The following PTPRF variants were observed in gnomAD, a reference collection of about 807,000 sequenced individuals.
PTPRF encodes protein tyrosine phosphatase receptor type F, also known as receptor-type tyrosine-protein phosphatase F.
Under a neutral mutation model 201.8 loss-of-function variants are expected in PTPRF, and 59 were observed. The ratio of observed to expected loss-of-function variants is 0.29; its 90% CI spans 0.24 to 0.36. PTPRF has a LOEUF of 0.36. Ranked by LOEUF, PTPRF falls within the 10% of genes least tolerant of loss-of-function variation. PTPRF has a pLI of 1.00. For missense variants in PTPRF, 2,132 were observed against 2,690.5 expected (o/e 0.79, Z 4.59); for synonymous variants, 1,088 against 1,089.7 (o/e 1.00, Z 0.03).
intron 7 of PTPRF, among the ~76,000 whole-genome samples, chr1:43,584,281 C>T (rs1287454181): frequency 6.6e-6 from 1 of 152,188 alleles, no homozygotes; most frequent in Non-Finnish European, 1.5e-5. Flanking sequence ...ATCCTCGTTC[C>T]CTCTGCCACA....
At chr1:43,583,825 C>G (rs1176887299) in intron 7 of PTPRF, among the ~76,000 whole-genome samples, 3 of 152,194 alleles carry the variant, frequency 2.0e-5, no homozygotes, top group Admixed American at 2.0e-4. Flanking sequence ...TGCCCCAGGC[C>G]CCTCTGCCCA....
At chr1:43,597,634 C>T (rs1036205149) in intron 11 of PTPRF, 114 bp from the exon 12 acceptor site, 2 of 800,488 alleles carry the variant, frequency 2.5e-6, no homozygotes, top group Non-Finnish European at 4.0e-6. Flanking sequence ...ATGGCCATTT[C>T]AGCACCTAAG....
At chr1:43,557,671 C>T (rs932845427) in intron 5 of PTPRF, among the ~76,000 whole-genome samples, 4 of 150,398 alleles carry the variant, frequency 2.7e-5, no homozygotes, top group African/African-American at 7.3e-5. Context: ...GAGGTGCCTC[C>T]GTTTGGTTTC....
upstream of PTPRF, among the ~76,000 whole-genome samples, chr1:43,527,459 A>C (rs1249702938): frequency 6.6e-6 from 1 of 152,214 alleles, no homozygotes; most frequent in East Asian, 1.9e-4. Context: ...GTTTGTATCT[A>C]GTTCCAGATG....
rs771936458 is a variant in PTPRF at position 43,621,158 on chromosome 1, T to G, written c.5581T>G (p.Tyr1861Asp). Reference sequence around the variant, plus strand: ...GAGCATCGTCCTGGAGCGCATGCGCTACGAGGGCGTGGTCGACATGTTTCA... The same window carrying G: ...GAGCATCGTCCTGGAGCGCATGCGCGACGAGGGCGTGGTCGACATGTTTCA... ...TLSIVLERMR[Y>D]EGVVDMFQTV... is the part of the protein sequence containing the mutation. Residue 1861 changes from tyrosine (Y) to aspartate (D), a missense_variant, in exon 33 of 34, where the codon TAC becomes GAC. By Grantham distance (160) the Tyr-to-Asp change is radical (BLOSUM62 -3). Around this residue, in one of 6 missense-constraint regions of PTPRF, gnomAD observed 519 missense variants for 659.5 expected, o/e 0.79. Transcript: ENST00000359947. 6 of 1,613,994 alleles carry G rather than the reference T, an allele frequency of 3.7e-6. No homozygotes were observed. Among genetic ancestry groups the G allele is most frequent in the Non-Finnish European group, 5.1e-6 (6 of 1,179,946 alleles).
chr1:43,547,803 A>G (rs115375519), intron 3 of PTPRF, among the ~76,000 whole-genome samples: 1,922 of 152,266 alleles, frequency 0.013, 22 homozygotes, highest in Non-Finnish European at 0.02. Flanking sequence ...GCTCCAGTGG[A>G]GATTTGGGCA....
rs1202973263 is a variant in PTPRF, at chr1:43,605,510, T to G, written c.3390-19T>G. On this transcript the variant is annotated intron_variant, in intron 18 of 33. Coordinates refer to ENST00000359947, the MANE Select transcript of PTPRF (RefSeq NM_002840.5). ...GGTAACCAGCAGTGACAGTCCTGAT[T>G]CCTGCCCTGCCCACCCAGGTGGTTC... 2 of 1,613,922 alleles carry G rather than the reference T, an allele frequency of 1.2e-6. No individual in the cohort carries two copies. The highest frequency in any genetic ancestry group is 2.7e-5 in the African/African-American group (2 of 74,960).
chr1:43,532,638 T>A (rs74071939), intron 1 of PTPRF: 2,999 of 166,384 alleles, frequency 0.018, 100 homozygotes, highest in African/African-American at 0.067. Context: ...ATCTGAGGGA[T>A]CCAGAAGAGA....
chr1:43,544,673 G>A (rs942514897), intron 2 of PTPRF, among the ~76,000 whole-genome samples: 1 of 152,186 alleles, frequency 6.6e-6, no homozygotes, highest in Admixed American at 6.5e-5. Flanking sequence ...GTCCTCTTAT[G>A]GGGGTGAGTT....
chr1:43,573,800 G>C (rs1357499952), intron 6 of PTPRF, among the ~76,000 whole-genome samples: 2 of 152,030 alleles, frequency 1.3e-5, no homozygotes, highest in African/African-American at 4.8e-5. Context: ...AATAGGTTAG[G>C]TTCTGGAAGA....
At chr1:43,607,954 G>A (rs1655539894) in intron 21 of PTPRF, among the ~76,000 whole-genome samples, 1 of 152,256 alleles carries the variant, frequency 6.6e-6, no homozygotes, top group Non-Finnish European at 1.5e-5. Flanking sequence ...CCACAGGCAT[G>A]TCAGTGAGCA....
rs1654164600 is a variant in PTPRF, at chr1:43,603,067, C to CG, written c.2341-348dup. 6.6e-6 allele frequency among the ~76,000 whole-genome samples: 1 copy of CG among 152,154 alleles called. No homozygotes were observed. Among genetic ancestry groups the CG allele is most frequent in the Non-Finnish European group, 1.5e-5 (1 of 68,012 alleles). ...GTGTGCGTGTGGCTGCCAAGAGCCA[C>CG]GCAAGGTGCTGGGTGCGTGCGAGGC... is the stretch of plus-strand genomic sequence containing the variant. On this transcript the variant is annotated intron_variant, in intron 14 of 33. Transcript: ENST00000359947. The surrounding 1 kb of genome is among the most constrained non-coding windows in gnomAD (Gnocchi z 5.8).
rs1479176471 is a variant in PTPRF, at chr1:43,604,920, C to G, written c.3055C>G (p.Arg1019Gly). 9.3e-6 allele frequency: 15 copies of G among 1,613,932 alleles called. No individual in the cohort carries two copies. The highest frequency in any genetic ancestry group is 1.3e-5 in the Non-Finnish European group (15 of 1,180,036). The change falls in exon 17 of 34, where the codon CGG becomes GGG. Residue 1019 changes from arginine (R) to glycine (G), a missense_variant. Physicochemically the swap from Arg to Gly is moderately radical, Grantham distance 125 (BLOSUM62 -2). Around this residue, in one of 6 missense-constraint regions of PTPRF, gnomAD observed 818 missense variants for 915.3 expected, o/e 0.89. Transcript: ENST00000359947. ...PVEQVFAKNF[R>G]VAAAMKTSVL... ...CTTTGCAGTGTTTGCCAAGAACTTCCGGGTGGCGGCTGCAATGAAGACGTC... is the reference window on the plus strand; with the variant it reads ...CTTTGCAGTGTTTGCCAAGAACTTCGGGGTGGCGGCTGCAATGAAGACGTC...
At position 43,621,210 on chromosome 1, in the gene PTPRF, G is replaced by C; in HGVS notation, c.5633G>C (p.Arg1878Pro). ...ACCGTGAAGACCCTGCGTACACAGC[G>C]TCCTGCCATGGTGCAGACAGAGGTA... is the stretch of plus-strand genomic sequence containing the variant. ...FQTVKTLRTQRPAMVQTEDQY... is the reference protein window; with the variant it reads ...FQTVKTLRTQPPAMVQTEDQY... Residue 1878 changes from arginine (R) to proline (P), a missense_variant, in exon 33 of 34, where the codon CGT (arginine) becomes CCT (proline). Physicochemically the swap from Arg to Pro is moderately radical, Grantham distance 103. This residue lies in a region of PTPRF where 519 missense variants were observed against 659.5 expected (regional missense o/e 0.79). Coordinates refer to ENST00000359947, the MANE Select transcript of PTPRF (RefSeq NM_002840.5). The C allele has an allele frequency of 6.2e-7, 1 of 1,614,134 alleles. No homozygotes were observed. Among genetic ancestry groups the C allele is most frequent in the Non-Finnish European group, 8.5e-7 (1 of 1,179,986 alleles).
Position 43,591,388 on chromosome 1 carries a change from C to T in PTPRF, c.1366C>T (p.Arg456Cys), listed in dbSNP as rs1557790674. Reference sequence around the variant, plus strand: ...CCGCGTCTACTATACTCCGGACTCCCGCCGCCCCCCGAACGCCTGGCACAA... The same window carrying T: ...CCGCGTCTACTATACTCCGGACTCCTGCCGCCCCCCGAACGCCTGGCACAA... ...GYRVYYTPDS[R>C]RPPNAWHKHN... Residue 456 changes from arginine (R) to cysteine (C), a missense_variant, in exon 9 of 34, where the codon CGC (arginine) becomes TGC (cysteine). By Grantham distance (180) the Arg-to-Cys change is radical. Transcript: ENST00000359947. 7.7e-6 allele frequency: 12 copies of T among 1,560,194 alleles called. No homozygotes were observed. The highest frequency in any genetic ancestry group is 1.4e-5 in the African/African-American group (1 of 73,574).
rs957721683 is a variant in PTPRF, at chr1:43,554,819, G to A, written c.379+878G>A. On this transcript the variant is annotated intron_variant, in intron 5 of 33. Coordinates refer to ENST00000359947, the MANE Select transcript of PTPRF (RefSeq NM_002840.5). This position sits in a 1 kb window ranked among gnomAD's most constrained non-coding sequence, Gnocchi z 4.1. ...GTTTATGTTTTCAAAATATAGCATCGATTGTTGCTTGCTTTTTTTTCTTTT... is the reference window on the plus strand; with the variant it reads ...GTTTATGTTTTCAAAATATAGCATCAATTGTTGCTTGCTTTTTTTTCTTTT... Among the ~76,000 whole-genome samples, 3 of 151,806 alleles carry A rather than the reference G, an allele frequency of 2.0e-5. No individual in the cohort carries two copies. Among genetic ancestry groups the A allele is most frequent in the South Asian group, 4.2e-4 (2 of 4,788 alleles).
chr1:43,569,308 C>T (rs981230818), intron 5 of PTPRF, among the ~76,000 whole-genome samples: 2 of 151,140 alleles, frequency 1.3e-5, no homozygotes, highest in East Asian at 3.9e-4. Context: ...TTCTCAGGGC[C>T]TGGAGAGATA....
upstream of PTPRF, among the ~76,000 whole-genome samples, chr1:43,524,457 C>T (rs1311812281): frequency 1.3e-5 from 2 of 151,960 alleles, no homozygotes; most frequent in South Asian, 2.1e-4. Context: ...GCCAGGAGCT[C>T]GAGACCAGCC....
At chr1:43,600,713 C>G (rs1653540939) in intron 13 of PTPRF, among the ~76,000 whole-genome samples, 1 of 152,134 alleles carries the variant, frequency 6.6e-6, no homozygotes, top group Admixed American at 6.5e-5. Flanking sequence ...ATTCCATCTC[C>G]CTGCCTCCCT....
Sources: gnomAD v4.1 joint callset for allele counts (sites outside exome capture counted in the v4.1 genomes callset) on GRCh38, gnomAD v4.1.1 for gene constraint, gnomAD v4.1.1 regional missense constraint, Gnocchi (gnomAD v3.1) non-coding constraint, MANE v1.5 for transcripts, NCBI Gene and HGNC (gene_info 2026-07-23, HGNC 2026-07-21) for gene names.